Variants in ZCCHC7 observed in about 807,000 individuals in gnomAD.
ZCCHC7 encodes zinc finger CCHC-type containing 7.
ZCCHC7 carries 35 observed loss-of-function variants against 52.0 expected under a neutral mutation model. The ratio of observed to expected loss-of-function variants is 0.67; its 90% CI spans 0.51 to 0.89. The LOEUF is 0.89. ZCCHC7 is among the 40% of genes least tolerant of loss of function. The pLI is 0.00. For synonymous variants in ZCCHC7, 217 were observed against 221.5 expected, an observed-to-expected ratio of 0.98 and a Z score of 0.18; for missense variants, 574 against 649.1, an observed-to-expected ratio of 0.88 and a Z score of 1.26.
At chr9:37,332,230 T>G (rs922357724) in intron 6 of ZCCHC7, among the ~76,000 whole-genome samples, 2 of 151,604 alleles carry the variant, frequency 1.3e-5, no homozygotes, top group African/African-American at 4.8e-5. Flanking sequence ...GTGAACGTGA[T>G]TGTGCTCTGA....
chr9:37,341,950 T>C (rs2118496905), intron 6 of ZCCHC7, among the ~76,000 whole-genome samples: 1 of 152,200 alleles, frequency 6.6e-6, no homozygotes, highest in African/African-American at 2.4e-5. Flanking sequence ...TTACAGGCCA[T>C]TGTAAAGTTT....
intron 5 of ZCCHC7, among the ~76,000 whole-genome samples, chr9:37,319,879 C>T (rs920475410): frequency 1.3e-5 from 2 of 152,156 alleles, no homozygotes; most frequent in African/African-American, 2.4e-5. Flanking sequence ...CACCATTTGT[C>T]GAAAAGACTT....
At chr9:37,255,859 G>T (rs1173935947) in intron 2 of ZCCHC7, among the ~76,000 whole-genome samples, 1 of 152,110 alleles carries the variant, frequency 6.6e-6, no homozygotes, top group Admixed American at 6.6e-5. Context: ...AATGAGCTTT[G>T]CCCAGCCACA....
intron 2 of ZCCHC7, among the ~76,000 whole-genome samples, chr9:37,277,152 A>G (rs998496507): frequency 6.6e-6 from 1 of 152,200 alleles, no homozygotes. Flanking sequence ...AAGATTTTGT[A>G]AAAAAGATTT....
intron 2 of ZCCHC7, among the ~76,000 whole-genome samples, chr9:37,230,031 A>C (rs1319014342): frequency 6.6e-6 from 1 of 152,166 alleles, no homozygotes; most frequent in Non-Finnish European, 1.5e-5. Flanking sequence ...GCTGTCTTCC[A>C]CCTCCAAATC....
intron 2 of ZCCHC7, among the ~76,000 whole-genome samples, chr9:37,182,945 A>G (rs1822447133): frequency 6.6e-6 from 1 of 152,212 alleles, no homozygotes; most frequent in South Asian, 2.1e-4. Context: ...ATGATTGTAC[A>G]TCTGAGTAGC....
intron 5 of ZCCHC7, among the ~76,000 whole-genome samples, chr9:37,319,463 T>C (rs767415287): frequency 1.6e-4 from 25 of 152,190 alleles, no homozygotes; most frequent in Non-Finnish European, 3.7e-4. Flanking sequence ...GGTCTTACTC[T>C]GTCCCCCAGG....
At position 37,280,059 on chromosome 9, in the gene ZCCHC7, C is replaced by T. The variant is rs1160942186; in HGVS notation, c.611-22129C>T. 2.6e-5 allele frequency among the ~76,000 whole-genome samples: 4 copies of T among 151,634 alleles called. No individual in the cohort carries two copies. The South Asian group carries it at 6.3e-4, about 24-fold the overall frequency. ...AGGAGGCTGAGGCAGGAGAATGGCGCGAACCCGGGAGGCGGAGCTTGCAGT... is the reference window on the plus strand; with the variant it reads ...AGGAGGCTGAGGCAGGAGAATGGCGTGAACCCGGGAGGCGGAGCTTGCAGT... On this transcript the variant is annotated intron_variant, in intron 2 of 8. Transcript: ENST00000336755.
chr9:37,217,790 G>GA (rs972304787), intron 2 of ZCCHC7, among the ~76,000 whole-genome samples: 1 of 152,128 alleles, frequency 6.6e-6, no homozygotes, highest in African/African-American at 2.4e-5. Flanking sequence ...GAAAATGTCA[G>GA]AGATTGTCAG....
At chr9:37,193,385 C>T (rs897529773) in intron 2 of ZCCHC7, among the ~76,000 whole-genome samples, 3 of 152,000 alleles carry the variant, frequency 2.0e-5, no homozygotes, top group African/African-American at 4.8e-5. Flanking sequence ...CTAAAATTCT[C>T]CTACAATAGG....
intron 6 of ZCCHC7, among the ~76,000 whole-genome samples, chr9:37,344,918 T>C (rs1183238923): frequency 1.3e-5 from 2 of 152,210 alleles, no homozygotes; most frequent in East Asian, 3.9e-4. Context: ...AGCACTCTGG[T>C]AAATCTCCCT....
chr9:37,138,690 C>T (rs1440549426), intron 2 of ZCCHC7, among the ~76,000 whole-genome samples: 3 of 149,650 alleles, frequency 2.0e-5, no homozygotes, highest in Non-Finnish European at 4.4e-5. Flanking sequence ...ACCTTATCTA[C>T]AGGTTTGTAT....
At chr9:37,173,759 C>A (rs1821867878) in intron 2 of ZCCHC7, among the ~76,000 whole-genome samples, 1 of 152,038 alleles carries the variant, frequency 6.6e-6, no homozygotes, top group Admixed American at 6.6e-5. Flanking sequence ...CTACTATAAA[C>A]TTGTGAGAGA....
chr9:37,303,162 C>A (rs1829115223), intron 3 of ZCCHC7, among the ~76,000 whole-genome samples: 1 of 152,118 alleles, frequency 6.6e-6, no homozygotes, highest in Non-Finnish European at 1.5e-5. Context: ...TGGTGGCTCA[C>A]ACCTGTAATC....
intron 2 of ZCCHC7, among the ~76,000 whole-genome samples, chr9:37,234,145 A>G (rs1342138818): frequency 6.6e-6 from 1 of 152,196 alleles, no homozygotes; most frequent in African/African-American, 2.4e-5. Context: ...CTAGAATTAC[A>G]GGCATCAGCC....
At chr9:37,199,060 C>T (rs1298978029) in intron 2 of ZCCHC7, among the ~76,000 whole-genome samples, 1 of 152,150 alleles carries the variant, frequency 6.6e-6, no homozygotes, top group Non-Finnish European at 1.5e-5. Context: ...ACATTTGCCA[C>T]ACCCTCCTCC....
chr9:37,219,784 G>A (rs1193989424), intron 2 of ZCCHC7, among the ~76,000 whole-genome samples: 1 of 152,178 alleles, frequency 6.6e-6, no homozygotes, highest in Non-Finnish European at 1.5e-5. Flanking sequence ...GTAAGTTTAG[G>A]AGGAGTTCAG....
chr9:37,243,598 A>T (rs1825962328), intron 2 of ZCCHC7, among the ~76,000 whole-genome samples: 2 of 151,844 alleles, frequency 1.3e-5, no homozygotes, highest in South Asian at 4.1e-4. Flanking sequence ...GTTAAAACTG[A>T]GTTTATATAC....
At position 37,354,781 on chromosome 9, in the gene ZCCHC7, T is replaced by C. The variant is rs776192322; in HGVS notation, c.1155T>C (p.Tyr385=). 16 of 1,613,174 alleles carry C rather than the reference T, an allele frequency of 9.9e-6. No homozygotes were observed. Among genetic ancestry groups the C allele is most frequent in the Admixed American group, 3.3e-5 (2 of 59,958 alleles). Residue 385 remains tyrosine, a synonymous_variant, in exon 8 of 9, where the codon TAT becomes TAC. Transcript: ENST00000336755. This position sits in a 1 kb window ranked among gnomAD's most constrained non-coding sequence, Gnocchi z 4.0. ...SPFICYYDDK[Y]EIQEREKRLK... ...TCATCTGCTACTATGATGACAAATA[T>C]GAAATTCAGGAGAGAGAAAAGAGAC...
Sources: gnomAD v4.1 joint callset for allele counts (sites outside exome capture counted in the v4.1 genomes callset) on GRCh38, gnomAD v4.1.1 for gene constraint, Gnocchi (gnomAD v3.1) non-coding constraint, MANE v1.5 for transcripts, NCBI Gene and HGNC (gene_info 2026-07-23, HGNC 2026-07-21) for gene names.